CAPRIN1: variants seen among roughly 807,000 people sequenced by gnomAD.
The protein encoded by CAPRIN1 is cell cycle associated protein 1.
In CAPRIN1, 29 loss-of-function variants were observed where a neutral mutation model predicts 100.9. The ratio of observed to expected loss-of-function variants is 0.29; its 90% CI spans 0.21 to 0.39. The LOEUF (loss-of-function observed/expected upper bound fraction) is 0.39, where lower values mean the gene tolerates loss of function less well. CAPRIN1 is among the 10% of genes least tolerant of loss of function. The probability of loss-of-function intolerance (pLI) is 1.00; values close to 1 mark genes in which losing one functional copy is unlikely to be tolerated. For synonymous variants in CAPRIN1, 338 were observed against 307.5 expected (o/e 1.10, Z -1.04); for missense variants, 795 against 876.7 (o/e 0.91, Z 1.18).
chr11:34,073,249 G>T (rs1850837329), intron 4 of CAPRIN1, among the ~76,000 whole-genome samples: 4 of 152,280 alleles, frequency 2.6e-5, no homozygotes, highest in Admixed American at 2.6e-4. Flanking sequence ...TTTGACCATG[G>T]ATGAGTTACT....
intron 2 of CAPRIN1, among the ~76,000 whole-genome samples, chr11:34,056,935 G>A (rs1479712423): frequency 6.6e-6 from 1 of 152,138 alleles, no homozygotes; most frequent in Non-Finnish European, 1.5e-5. Flanking sequence ...TTTTCCTGAA[G>A]GCTTTCTGCA....
At chr11:34,057,479 T>A (rs1850476647) in intron 2 of CAPRIN1, among the ~76,000 whole-genome samples, 1 of 152,240 alleles carries the variant, frequency 6.6e-6, no homozygotes, top group Admixed American at 6.5e-5. Flanking sequence ...TATTTGAGAA[T>A]GCATTTTGTG....
chr11:34,058,262 G>A (rs983897910), intron 2 of CAPRIN1, among the ~76,000 whole-genome samples: 2 of 151,794 alleles, frequency 1.3e-5, no homozygotes, highest in African/African-American at 2.4e-5. Context: ...TCAGCCTCCC[G>A]AGTAGCTGGG....
intron 7 of CAPRIN1, among the ~76,000 whole-genome samples, chr11:34,081,056 A>G (rs1851019026): frequency 6.6e-6 from 1 of 152,222 alleles, no homozygotes; most frequent in African/African-American, 2.4e-5. Flanking sequence ...TGAAATAGCT[A>G]CTGTTGAACC....
chr11:34,054,763 C>G (rs1404655015), intron 2 of CAPRIN1, among the ~76,000 whole-genome samples: 1 of 152,152 alleles, frequency 6.6e-6, no homozygotes, highest in Non-Finnish European at 1.5e-5. Context: ...GCCTGCTGAT[C>G]TGGCTGCTAC....
intron 2 of CAPRIN1, among the ~76,000 whole-genome samples, chr11:34,070,381 CAGAAAAAAAAT>C (rs1850784533): frequency 6.6e-6 from 1 of 152,122 alleles, no homozygotes; most frequent in Admixed American, 6.5e-5. Context: ...TGAGTTTATT[CAGAAAAAAAAT>C]ACTTTTTTTC....
intron 2 of CAPRIN1, among the ~76,000 whole-genome samples, chr11:34,057,733 T>C (rs1057088937): frequency 2.0e-4 from 30 of 152,152 alleles, no homozygotes; most frequent in Admixed American, 9.2e-4. Flanking sequence ...TTATTATCAT[T>C]ATTTGAGACA....
At chr11:34,053,249 TG>T in intron 2 of CAPRIN1, 1 of 631,746 alleles carries the variant, frequency 1.6e-6, no homozygotes, top group Non-Finnish European at 2.0e-6. Context: ...CCCGCGCCCA[TG>T]CGATGGGCTC....
chr11:34,061,064 T>C (rs1008022279), intron 2 of CAPRIN1, among the ~76,000 whole-genome samples: 2 of 152,204 alleles, frequency 1.3e-5, no homozygotes, highest in Admixed American at 1.3e-4. Context: ...ATTATAACCT[T>C]GGACAAGGAA....
At chr11:34,071,639 A>G (rs979611066) in intron 2 of CAPRIN1, 87 bp from the exon 3 acceptor site, 2 of 880,766 alleles carry the variant, frequency 2.3e-6, no homozygotes, top group Non-Finnish European at 3.6e-6. Flanking sequence ...AGACAAACTT[A>G]GAGGATTGTG....
At chr11:34,063,499 G>A (rs1160833939) in intron 2 of CAPRIN1, 1 of 152,198 alleles carries the variant, frequency 6.6e-6, no homozygotes, top group Non-Finnish European at 1.5e-5. Context: ...ATTAAAAGCA[G>A]TAAAGAAACA....
intron 2 of CAPRIN1, among the ~76,000 whole-genome samples, chr11:34,060,037 A>C (rs540168330): frequency 2.6e-5 from 4 of 151,692 alleles, no homozygotes; most frequent in Non-Finnish European, 4.4e-5. Context: ...TCTATTAAAA[A>C]TATGAAAAAT....
intron 15 of CAPRIN1, among the ~76,000 whole-genome samples, chr11:34,093,980 T>G (rs1851315346): frequency 6.6e-6 from 1 of 152,072 alleles, no homozygotes; most frequent in Non-Finnish European, 1.5e-5. Flanking sequence ...TTAAAAAAAG[T>G]TCATTTGTTT....
intron 16 of CAPRIN1, among the ~76,000 whole-genome samples, 194 bp downstream of exon 16, chr11:34,096,867 TTTTG>T (rs1851377315): frequency 6.6e-6 from 1 of 152,200 alleles, no homozygotes; most frequent in Non-Finnish European, 1.5e-5. Flanking sequence ...ATCATGGAAT[TTTTG>T]TTCATTTGGT....
chr11:34,097,682 C>G lies in CAPRIN1; in HGVS notation c.2002-16C>G. On this transcript the variant is annotated splice_polypyrimidine_tract_variant and intron_variant, in intron 17 of 18. Coordinates refer to ENST00000341394, the MANE Select transcript of CAPRIN1 (RefSeq NM_005898.5). ...TTAAAAAGTACCTTTTCAATACTAA[C>G]TAGCTTGTCTTTTAGGATGGATATC... 6.2e-7 allele frequency: 1 copy of G among 1,613,906 alleles called. No individual in the cohort carries two copies. The highest frequency in any genetic ancestry group is 2.2e-5 in the East Asian group (1 of 44,874).
At chr11:34,091,236 T>TA (rs1159926336) in intron 14 of CAPRIN1, among the ~76,000 whole-genome samples, 1 of 152,232 alleles carries the variant, frequency 6.6e-6, no homozygotes, top group Non-Finnish European at 1.5e-5. Context: ...TCAACCCTGT[T>TA]AAAGTTCATA....
At chr11:34,052,849 C>T (rs1424342565) in intron 2 of CAPRIN1, 9 of 1,433,504 alleles carry the variant, frequency 6.3e-6, no homozygotes, top group Non-Finnish European at 8.2e-6. Context: ...TCACCTGACT[C>T]GGACGCGGCA....
At chr11:34,053,019 G>A in intron 2 of CAPRIN1, 1 of 1,045,214 alleles carries the variant, frequency 9.6e-7, no homozygotes, top group South Asian at 3.0e-5. Context: ...GGCCCAAAAT[G>A]AAGAGGTCCC....
intron 2 of CAPRIN1, among the ~76,000 whole-genome samples, chr11:34,053,947 AT>A (rs1386154097): frequency 6.6e-6 from 1 of 152,214 alleles, no homozygotes; most frequent in Non-Finnish European, 1.5e-5. Context: ...CTAGGAAAAC[AT>A]ATTTATAACA....
Sources: gnomAD v4.1 joint callset for allele counts (sites outside exome capture counted in the v4.1 genomes callset) on GRCh38, gnomAD v4.1.1 for gene constraint, MANE v1.5 for transcripts, NCBI Gene and HGNC (gene_info 2026-07-23, HGNC 2026-07-21) for gene names.